Variants in STON1 observed in about 807,000 individuals in gnomAD.
STON1 encodes stonin-1.
STON1 carries 79 observed loss-of-function variants against 60.9 expected under a neutral mutation model. That is an observed-to-expected ratio of 1.30 (90% CI 1.08 to 1.56). The LOEUF (loss-of-function observed/expected upper bound fraction) is 1.56. Ranked by LOEUF, STON1 falls within the 40% of genes most tolerant of loss-of-function variation. The pLI is 0.00. For synonymous variants in STON1, 363 were observed against 306.9 expected, an observed-to-expected ratio of 1.18 and a Z score of -1.91; for missense variants, 1,166 against 858.9, an observed-to-expected ratio of 1.36 and a Z score of -4.47.
chr2:48,590,256 G>C (rs1469996804), intron 2 of STON1, among the ~76,000 whole-genome samples: 2 of 152,226 alleles, frequency 1.3e-5, no homozygotes, highest in Middle Eastern at 3.2e-3. Flanking sequence ...GTAAGTGGTA[G>C]AGATGGCTAA....
At chr2:48,548,864 A>G (rs181334526) in intron 1 of STON1, among the ~76,000 whole-genome samples, 2 of 152,126 alleles carry the variant, frequency 1.3e-5, no homozygotes, top group African/African-American at 4.8e-5. Context: ...CAACATTTTT[A>G]CTGCACAGTG....
At chr2:48,542,229 A>G (rs1052648973) in intron 1 of STON1, among the ~76,000 whole-genome samples, 1 of 152,192 alleles carries the variant, frequency 6.6e-6, no homozygotes, top group African/African-American at 2.4e-5. Context: ...TGCTGAAAGC[A>G]GTCTACACAA....
intron 1 of STON1, among the ~76,000 whole-genome samples, chr2:48,568,587 A>G (rs1248011789): frequency 3.3e-5 from 5 of 152,080 alleles, no homozygotes; most frequent in African/African-American, 1.2e-4. Context: ...ACTAAAAGAG[A>G]GGCAGGGCAC....
intron 1 of STON1, among the ~76,000 whole-genome samples, chr2:48,568,658 C>G (rs1398945814): frequency 1.3e-5 from 2 of 152,168 alleles, no homozygotes; most frequent in Admixed American, 6.5e-5. Flanking sequence ...GCAGGACAGT[C>G]AGTTGATGCA....
At chr2:48,594,493 A>G (rs978297392) in intron 3 of STON1, among the ~76,000 whole-genome samples, 1 of 152,224 alleles carries the variant, frequency 6.6e-6, no homozygotes, top group Non-Finnish European at 1.5e-5. Flanking sequence ...AGCAGTGTGA[A>G]CAGAGAGACA....
chr2:48,582,377 C>T lies in STON1; in HGVS notation c.1744C>T (p.Leu582Phe), dbSNP rs755254150. ...TGTCCCATCGCAGTGGATCAAGGCC[C>T]TTTGGACCATGAACCTCCAGAGGCA... ...FPVPSQWIKALWTMNLQRQKS... is the reference protein window; with the variant it reads ...FPVPSQWIKAFWTMNLQRQKS... The change falls in exon 2 of 4, where the codon CTT (leucine) becomes TTT (phenylalanine). Residue 582 changes from leucine to phenylalanine, a missense_variant. By Grantham distance (22) the Leu-to-Phe change is conservative (BLOSUM62 0). Transcript: ENST00000404752. 8 of 1,613,996 alleles carry T rather than the reference C, an allele frequency of 5.0e-6. No homozygotes were observed. Among genetic ancestry groups the T allele is most frequent in the East Asian group, 2.2e-5 (1 of 44,878 alleles).
In STON1 at chr2:48,554,730, ATTT is replaced by A. The variant is rs1558589168; in HGVS notation, c.-48+24515_-48+24517del. On this transcript the variant is annotated intron_variant, in intron 1 of 3. Transcript: ENST00000404752. ...AAATTTTTTTTTTTTTTTTTTATTT[ATTT>A]ATTTATTTTTTTATTGATAATTCTT... Among the ~76,000 whole-genome samples the A allele has an allele frequency of 1.1e-3, 71 of 65,034 alleles. 10 individuals carry two copies. In the South Asian group the frequency reaches 0.015, roughly 14 times the overall value. 42.7% of individuals were successfully genotyped at this position (65,034 alleles called of 152,430 possible). A position where few individuals can be genotyped will look rare whatever the true frequency, so the allele number is the denominator to read the frequency against.
intron 1 of STON1, among the ~76,000 whole-genome samples, chr2:48,572,697 C>T (rs1400640100): frequency 6.6e-6 from 1 of 152,192 alleles, no homozygotes. Context: ...ATTATTTCCT[C>T]TTTTTCTTTT....
chr2:48,581,890 T>G lies in STON1; in HGVS notation c.1257T>G (p.Ile419Met), dbSNP rs1343802974. ...NYEEQEISLE[I>M]VDNFWGKVTK... is the part of the protein sequence containing the mutation. Reference sequence around the variant, plus strand: ...AGGAGCAAGAAATTTCCTTGGAAATTGTGGACAACTTTTGGGGTAAAGTCA... The same window carrying G: ...AGGAGCAAGAAATTTCCTTGGAAATGGTGGACAACTTTTGGGGTAAAGTCA... The change falls in exon 2 of 4, where the codon ATT becomes ATG. Residue 419 changes from isoleucine to methionine, a missense_variant. Transcript: ENST00000404752. 3 of 1,613,850 alleles carry G rather than the reference T, an allele frequency of 1.9e-6. No homozygotes were observed. The highest frequency in any genetic ancestry group is 1.7e-6 in the Non-Finnish European group (2 of 1,180,004).
At chr2:48,567,224 G>A (rs1672986443) in intron 1 of STON1, among the ~76,000 whole-genome samples, 1 of 152,170 alleles carries the variant, frequency 6.6e-6, no homozygotes, top group Admixed American at 6.5e-5. Flanking sequence ...TAAGCATTAT[G>A]AGCTGCAGAA....
chr2:48,564,484 T>TTCTTCTTCTTCTTCC (rs1672792771), intron 1 of STON1, among the ~76,000 whole-genome samples: 1 of 23,292 alleles, frequency 4.3e-5, no homozygotes, highest in Non-Finnish European at 8.7e-5. Context: ...TTCTTCTTTC[T>TTCTTCTTCTTCTTCC]TCTTCTTCTT....
chr2:48,578,439 T>C (rs1673652036), intron 1 of STON1, among the ~76,000 whole-genome samples: 1 of 152,156 alleles, frequency 6.6e-6, no homozygotes, highest in Admixed American at 6.6e-5. Flanking sequence ...TTTTTTTAAC[T>C]CATCAGCTAT....
chr2:48,540,720 C>G lies in STON1; in HGVS notation c.-48+10504C>G, dbSNP rs1671618244. On this transcript the variant is annotated intron_variant, in intron 1 of 3. Coordinates refer to ENST00000404752, the MANE Select transcript of STON1 (RefSeq NM_006873.4). ...TCTTGAGCCTCAACTTGAAGTGGGT[C>G]AGTCAGAAGTTCCTGAGGCTCAGAC... 2.0e-5 allele frequency among the ~76,000 whole-genome samples: 3 copies of G among 152,202 alleles called. 1 individual carries two copies. Among genetic ancestry groups the G allele is most frequent in the Non-Finnish European group, 4.4e-5 (3 of 68,038 alleles).
intron 2 of STON1, among the ~76,000 whole-genome samples, chr2:48,582,804 G>T (rs1673974014): frequency 6.6e-6 from 1 of 152,154 alleles, no homozygotes; most frequent in Admixed American, 6.5e-5. Context: ...ACCATGCTAG[G>T]CTAGGAATTT....
At chr2:48,551,850 G>C (rs1672120240) in intron 1 of STON1, among the ~76,000 whole-genome samples, 1 of 152,208 alleles carries the variant, frequency 6.6e-6, no homozygotes, top group Admixed American at 6.5e-5. Context: ...TGCTGGAGTT[G>C]CTCCCAGCCT....
In STON1 at chr2:48,581,326, G is replaced by C; in HGVS notation, c.693G>C (p.Glu231Asp). 2 of 1,533,478 alleles carry C rather than the reference G, an allele frequency of 1.3e-6. No homozygotes were observed. The highest frequency in any genetic ancestry group is 1.7e-6 in the Non-Finnish European group (2 of 1,143,838). 95.0% of individuals were successfully genotyped at this position (1,533,478 alleles called of 1,614,324 possible). A position where few individuals can be genotyped will look rare whatever the true frequency, so the allele number is the denominator to read the frequency against. ...AGTGTTCACTCAACTATATCTGTGA[G>C]AAGCTTGAACATCTCCAGTCAGCTG... The part of the protein sequence containing the change: ...LNKCSLNYIC[E>D]KLEHLQSAEN... The change falls in exon 2 of 4, where the codon GAG becomes GAC. Residue 231 changes from glutamate to aspartate, a missense_variant. By Grantham distance (45) the Glu-to-Asp change is conservative. Transcript: ENST00000404752.
chr2:48,532,740 G>A (rs183415264), intron 1 of STON1, among the ~76,000 whole-genome samples: 2 of 152,118 alleles, frequency 1.3e-5, no homozygotes, highest in Non-Finnish European at 2.9e-5. Flanking sequence ...TGAAGGCCAC[G>A]GGGGCCTGGA....
At position 48,564,468 on chromosome 2, in the gene STON1, TTC is replaced by T. The variant is rs1349567347; in HGVS notation, c.-47-16117_-47-16116del. 1.1e-3 allele frequency among the ~76,000 whole-genome samples: 59 copies of T among 54,844 alleles called. 3 individuals carry two copies. Among genetic ancestry groups the T allele is most frequent in the African/African-American group, 2.7e-3 (38 of 13,968 alleles). 36.0% of individuals were successfully genotyped at this position (54,844 alleles called of 152,430 possible). On this transcript the variant is annotated intron_variant, in intron 1 of 3. Transcript: ENST00000404752. ...CTTCTTCTTCTTCTTCTTCTTCTTCTTCTTCTTCTTCTTTCTTCTTCTTCTTC... is the reference window on the plus strand; with the variant it reads ...CTTCTTCTTCTTCTTCTTCTTCTTCTTTCTTCTTCTTTCTTCTTCTTCTTC...
intron 2 of STON1, among the ~76,000 whole-genome samples, chr2:48,584,895 C>T (rs1341181946): frequency 2.6e-5 from 4 of 152,162 alleles, no homozygotes; most frequent in Non-Finnish European, 5.9e-5. Flanking sequence ...CTGATGAGAG[C>T]TTGAGCTATG....
Sources: gnomAD v4.1 joint callset for allele counts (sites outside exome capture counted in the v4.1 genomes callset) on GRCh38, gnomAD v4.1.1 for gene constraint, MANE v1.5 for transcripts, NCBI Gene and HGNC (gene_info 2026-07-23, HGNC 2026-07-21) for gene names.